The following GLMN variants were observed in gnomAD, a reference collection of about 807,000 sequenced individuals.
The protein encoded by GLMN is glomulin, FKBP associated protein.
Under a neutral mutation model 87.8 loss-of-function variants are expected in GLMN, and 75 were observed. That is an observed-to-expected ratio of 0.85 (90% CI 0.71 to 1.04). The LOEUF (loss-of-function observed/expected upper bound fraction) is 1.04. Among genes scored for constraint, GLMN ranks in the 50% least tolerant of loss-of-function variants. GLMN has a pLI of 0.00. For synonymous variants in GLMN, 206 were observed against 221.6 expected (o/e 0.93, Z 0.63); for missense variants, 588 against 658.8 (o/e 0.89, Z 1.18).
the GLMN span, among the ~76,000 whole-genome samples, chr1:92,305,450 A>AAAAAAAAAAAAAAAAAAAAAC: frequency 7.0e-6 from 1 of 141,852 alleles, no homozygotes; most frequent in African/African-American, 3.0e-5. Context: ...AAAAAAAAAA[A>AAAAAAAAAAAAAAAAAAAAAC]AGACAATATG....
At chr1:92,316,305 C>T in the GLMN span, among the ~76,000 whole-genome samples, 1 of 152,160 alleles carries the variant, frequency 6.6e-6, no homozygotes, top group Non-Finnish European at 1.5e-5. Context: ...ATAACCTCTT[C>T]CTGAACAGCC....
chr1:92,355,194 T>C, the GLMN span, among the ~76,000 whole-genome samples: 2 of 152,130 alleles, frequency 1.3e-5, no homozygotes, highest in Non-Finnish European at 2.9e-5. Flanking sequence ...AATATAATTA[T>C]TCTACCCCAT....
chr1:92,328,422 T>G, the GLMN span, among the ~76,000 whole-genome samples: 2 of 152,236 alleles, frequency 1.3e-5, no homozygotes, highest in Admixed American at 6.5e-5. Context: ...GTTCTTCTAC[T>G]TGCTCAATTT....
Position 92,248,040 on chromosome 1 carries a change from TA to T in GLMN, c.1474-52del, listed in dbSNP as rs746943075. 7 of 809,444 alleles carry T rather than the reference TA, an allele frequency of 8.6e-6. 1 individual carries two copies. The South Asian group carries it at 9.4e-5, about 11-fold the overall frequency. The allele number at this position is 809,444 out of a possible 1,614,324, so 50.1% of individuals were successfully genotyped here. A position where few individuals can be genotyped will look rare whatever the true frequency, so the allele number is the denominator to read the frequency against. On this transcript the variant is annotated intron_variant, in intron 16 of 18. Transcript: ENST00000370360. ...TTTAGTTCAACAATGATTGATTGCC[TA>T]CTATTAAACGCGATAAAAGCTCAAA...
chr1:92,246,739 G>A (rs1652720746), intron 18 of GLMN, 93 bp from the exon 19 acceptor site: 2 of 760,628 alleles, frequency 2.6e-6, no homozygotes, highest in East Asian at 5.2e-5. Flanking sequence ...GGTAGCTTAG[G>A]AATATTTAAG....
intron 7 of GLMN, among the ~76,000 whole-genome samples, chr1:92,272,181 G>C (rs1048810130): frequency 6.6e-6 from 1 of 152,186 alleles, no homozygotes; most frequent in Non-Finnish European, 1.5e-5. Context: ...CCTGAAAGTG[G>C]ATCTTTCCCC....
chr1:92,318,682 T>C, the GLMN span, among the ~76,000 whole-genome samples: 2 of 152,214 alleles, frequency 1.3e-5, no homozygotes, highest in Non-Finnish European at 2.9e-5. Context: ...CCCTCCTTTA[T>C]CTTACTGATT....
chr1:92,366,113 T>C, the GLMN span, among the ~76,000 whole-genome samples: 1 of 152,200 alleles, frequency 6.6e-6, no homozygotes. Context: ...AGCTCCAATT[T>C]AGAAAGTTTC....
At chr1:92,305,721 A>G in the GLMN span, among the ~76,000 whole-genome samples, 2 of 152,180 alleles carry the variant, frequency 1.3e-5, no homozygotes, top group Non-Finnish European at 2.9e-5. Context: ...GCTAATAAAC[A>G]TATGAAAAGA....
chr1:92,297,673 T>C, intron 2 of GLMN, 144 bp from the exon 3 acceptor site: 1 of 738,732 alleles, frequency 1.4e-6, no homozygotes, highest in South Asian at 1.7e-5. Flanking sequence ...AACACACGTA[T>C]CAAAATTAGG....
chr1:92,249,575 G>A (rs886803529), intron 16 of GLMN, among the ~76,000 whole-genome samples: 1 of 151,946 alleles, frequency 6.6e-6, no homozygotes, highest in African/African-American at 2.4e-5. Context: ...GTATAATAAT[G>A]TCAGAGTATT....
At chr1:92,336,655 GA>G in the GLMN span, among the ~76,000 whole-genome samples, 2 of 152,014 alleles carry the variant, frequency 1.3e-5, no homozygotes, top group Non-Finnish European at 2.9e-5. Flanking sequence ...TTTATTTACG[GA>G]ATAGCCTAAA....
chr1:92,267,860 G>A, intron 11 of GLMN, 53 bp downstream of exon 11: 1 of 905,638 alleles, frequency 1.1e-6, no homozygotes, highest in Non-Finnish European at 1.9e-6. Flanking sequence ...CTTACTTTAA[G>A]TTCAGAACAG....
In GLMN at chr1:92,291,510, G is replaced by C. The variant is rs767872276; in HGVS notation, c.193C>G (p.Leu65Val). 2 of 1,613,162 alleles carry C rather than the reference G, an allele frequency of 1.2e-6. No individual in the cohort carries two copies. Among genetic ancestry groups the C allele is most frequent in the South Asian group, 2.2e-5 (2 of 91,056 alleles). Residue 65 changes from leucine to valine, a missense_variant, in exon 4 of 19, where the codon CTC (leucine) becomes GTC (valine). Transcript: ENST00000370360. ...AGGCATCGAACAACAGGACCAACGAGATTCCAGCCCATATTCTTGATGATG... is the reference window on the plus strand; with the variant it reads ...AGGCATCGAACAACAGGACCAACGACATTCCAGCCCATATTCTTGATGATG... The part of the protein sequence containing the change: ...KVIIKNMGWN[L>V]VGPVVRCLLC...
At chr1:92,347,167 C>T in the GLMN span, among the ~76,000 whole-genome samples, 1 of 152,124 alleles carries the variant, frequency 6.6e-6, no homozygotes, top group African/African-American at 2.4e-5. Context: ...CTTGAATGCC[C>T]TGATATAAAT....
intron 7 of GLMN, among the ~76,000 whole-genome samples, chr1:92,285,873 A>G (rs1342612277): frequency 6.6e-6 from 1 of 152,228 alleles, no homozygotes; most frequent in East Asian, 1.9e-4. Flanking sequence ...AGCACATTTT[A>G]AAATACTATT....
In GLMN at chr1:92,286,570, G is replaced by T; in HGVS notation, c.655C>A (p.Pro219Thr). 1.3e-6 allele frequency: 2 copies of T among 1,596,310 alleles called. No homozygotes were observed. Among genetic ancestry groups the T allele is most frequent in the Non-Finnish European group, 1.7e-6 (2 of 1,164,308 alleles). ...TCAAAGAATTGTGCTGTCAGCAAAGGGCATTTCAAGCTTTTGAAACAACTA... is the reference window on the plus strand; with the variant it reads ...TCAAAGAATTGTGCTGTCAGCAAAGTGCATTTCAAGCTTTTGAAACAACTA... ...LKFCFKSLKC[P>T]LLTAQFFEQS... Residue 219 changes from proline to threonine, a missense_variant, in exon 7 of 19, where the codon CCT becomes ACT. Pro to Thr is a conservative substitution (Grantham distance 38). Transcript: ENST00000370360.
chr1:92,300,874 C>T (rs1650794430), upstream of GLMN, among the ~76,000 whole-genome samples: 1 of 151,934 alleles, frequency 6.6e-6, no homozygotes, highest in Non-Finnish European at 1.5e-5. Flanking sequence ...ACAGTTCTTG[C>T]CTAGTGGAAC....
chr1:92,366,888 T>G, the GLMN span, among the ~76,000 whole-genome samples: 1 of 152,176 alleles, frequency 6.6e-6, no homozygotes, highest in Admixed American at 6.5e-5. Context: ...CAGTTTTGAT[T>G]GTATGGGTGT....
Sources: allele counts gnomAD v4.1 joint callset (sites outside exome capture counted in the v4.1 genomes callset), GRCh38; gene constraint gnomAD v4.1.1; transcripts MANE v1.5; gene names NCBI Gene and HGNC (gene_info 2026-07-23, HGNC 2026-07-21).